CSRNP2: variants seen among roughly 807,000 people sequenced by gnomAD.
CSRNP2 encodes the protein cysteine/serine-rich nuclear protein 2.
In CSRNP2, 11 loss-of-function variants were observed where a neutral mutation model predicts 36.6. The observed-to-expected ratio is 0.30, with a 90% CI of 0.19 to 0.50. CSRNP2 has a LOEUF of 0.50. CSRNP2 is among the 20% of genes least tolerant of loss of function. The pLI, the probability that CSRNP2 is intolerant of heterozygous loss-of-function variation, is 0.98. For synonymous variants in CSRNP2, 248 were observed against 275.3 expected, an observed-to-expected ratio of 0.90 and a Z score of 0.98; for missense variants, 483 against 691.4, an observed-to-expected ratio of 0.70 and a Z score of 3.38.
intron 1 of CSRNP2, among the ~76,000 whole-genome samples, chr12:51,077,326 T>C (rs1486180218): frequency 6.6e-6 from 1 of 152,178 alleles, no homozygotes; most frequent in Non-Finnish European, 1.5e-5. Context: ...AGCTTTTACA[T>C]AGAAATACGA....
chr12:51,069,287 CTTT>C (rs71089740), intron 3 of CSRNP2, among the ~76,000 whole-genome samples: 18 of 121,294 alleles, frequency 1.5e-4, no homozygotes, highest in East Asian at 2.5e-4. Flanking sequence ...CTTCTCCTTT[CTTT>C]TTTTTTTTTT....
rs181471826 is a variant in CSRNP2 at position 51,080,356 on chromosome 12, G to A, written c.-87+2983C>T. Reference sequence around the variant, plus strand: ...CATCTTTATTACTACAATTCTCCACGGTCTTAACCCAGCTGCCCGCAGGAG... The same window carrying A: ...CATCTTTATTACTACAATTCTCCACAGTCTTAACCCAGCTGCCCGCAGGAG... On this transcript the variant is annotated intron_variant, in intron 1 of 4. Transcript: ENST00000228515. Among the ~76,000 whole-genome samples, 12 of 152,046 alleles carry A rather than the reference G, an allele frequency of 7.9e-5. No individual in the cohort carries two copies. The East Asian group carries it at 1.4e-3, about 17-fold the overall frequency.
intron 2 of CSRNP2, among the ~76,000 whole-genome samples, chr12:51,075,403 C>A (rs531790455): frequency 6.6e-6 from 1 of 152,118 alleles, no homozygotes; most frequent in South Asian, 2.1e-4. Flanking sequence ...TGAGCCACTG[C>A]GCCCAGCCAC....
At chr12:51,072,563 A>C (rs1421519015) in intron 3 of CSRNP2, among the ~76,000 whole-genome samples, 5 of 9,058 alleles carry the variant, frequency 5.5e-4, no homozygotes, top group Non-Finnish European at 1.6e-3. Context: ...GCTCCGTCTC[A>C]AAAAAAAAAA....
rs1237206180 is a variant in CSRNP2, at chr12:51,061,535, A to C, written c.*2211T>G. On this transcript the variant is annotated 3_prime_UTR_variant, in exon 5 of 5. Coordinates refer to ENST00000228515, the MANE Select transcript of CSRNP2 (RefSeq NM_030809.3). The stretch of plus-strand genomic sequence containing the variant: ...AGTGAGATGGACTAGGTTGTAGAGA[A>C]GGCCTTTCGCTTGACAAGACAGTTA... 6.5e-6 allele frequency: 1 copy of C among 152,672 alleles called. No homozygotes were observed. Among genetic ancestry groups the C allele is most frequent in the Non-Finnish European group, 1.5e-5 (1 of 68,042 alleles). 9.5% of individuals were successfully genotyped at this position (152,672 alleles called of 1,614,324 possible).
At chr12:51,074,557 G>A (rs530939248) in intron 2 of CSRNP2, among the ~76,000 whole-genome samples, 1 of 152,242 alleles carries the variant, frequency 6.6e-6, no homozygotes, top group East Asian at 1.9e-4. Flanking sequence ...TAAATGCTCT[G>A]TCAGAAGGGA....
chr12:51,073,734 A>G lies in CSRNP2; in HGVS notation c.411+89T>C. Reference sequence around the variant, plus strand: ...GAGCAAGACTCTGTCCCAGAAAAAAAAAAAAAAAAAAAATCAATCAACCAA... The same window carrying G: ...GAGCAAGACTCTGTCCCAGAAAAAAGAAAAAAAAAAAAATCAATCAACCAA... On this transcript the variant is annotated intron_variant, in intron 3 of 4. Transcript: ENST00000228515. 3.0e-6 allele frequency: 4 copies of G among 1,348,326 alleles called. No individual in the cohort carries two copies. The South Asian group carries it at 5.8e-5, about 19-fold the overall frequency. 83.5% of individuals were successfully genotyped at this position (1,348,326 alleles called of 1,614,324 possible). A position where few individuals can be genotyped will look rare whatever the true frequency, so the allele number is the denominator to read the frequency against.
At chr12:51,070,851 C>A (rs1293927742) in intron 3 of CSRNP2, among the ~76,000 whole-genome samples, 2 of 152,104 alleles carry the variant, frequency 1.3e-5, no homozygotes, top group Admixed American at 1.3e-4. Flanking sequence ...AGCTAAAAAA[C>A]AGGCCTGGTG....
rs1369412248 is a variant in CSRNP2, at chr12:51,074,085, G to A, written c.152-3C>T. ...CTGCCGCTTCAGGATGGATGTGGCT[G>A]AGAAGGGAGCACAGAGAGATGTTTT... On this transcript the variant is annotated splice_polypyrimidine_tract_variant and splice_region_variant and intron_variant, in intron 2 of 4. Transcript: ENST00000228515. The A allele has an allele frequency of 1.9e-6, 3 of 1,613,228 alleles. No individual in the cohort carries two copies. The highest frequency in any genetic ancestry group is 2.5e-6 in the Non-Finnish European group (3 of 1,179,738).
At chr12:51,073,794 C>T in intron 3 of CSRNP2, 29 bp downstream of exon 3, 1 of 1,594,836 alleles carries the variant, frequency 6.3e-7, no homozygotes. Context: ...CCTACATGGA[C>T]AGCAGTAGAT....
Position 51,064,336 on chromosome 12 carries a change from T to C in CSRNP2, c.1042A>G (p.Ser348Gly). ...AEEDSSGSSASLDSSIESLGV... is the reference protein window; with the variant it reads ...AEEDSSGSSAGLDSSIESLGV... Reference sequence around the variant, plus strand: ...AGGCTCTCGATGCTCGAGTCCAGGCTGGCACTAGAGCCGCTGGAATCTTCT... The same window carrying C: ...AGGCTCTCGATGCTCGAGTCCAGGCCGGCACTAGAGCCGCTGGAATCTTCT... Residue 348 changes from serine to glycine, a missense_variant, in exon 5 of 5, where the codon AGC becomes GGC. Transcript: ENST00000228515. The C allele has an allele frequency of 6.2e-7, 1 of 1,614,212 alleles. No homozygotes were observed. Among genetic ancestry groups the C allele is most frequent in the Non-Finnish European group, 8.5e-7 (1 of 1,180,034 alleles).
In CSRNP2 at chr12:51,072,562, C is replaced by CAAAAAA. The variant is rs71089741; in HGVS notation, c.411+1255_411+1260dup. On this transcript the variant is annotated intron_variant, in intron 3 of 4. Transcript: ENST00000228515. ...TGGGCAACAGAGCTAGGCTCCGTCT[C>CAAAAAA]AAAAAAAAAAAAAAAAAAAAAAAAA... Among the ~76,000 whole-genome samples the CAAAAAA allele has an allele frequency of 1.6e-3, 110 of 66,920 alleles. 10 individuals are homozygous for CAAAAAA. The highest frequency in any genetic ancestry group is 6.0e-3 in the East Asian group (9 of 1,498). 43.9% of individuals were successfully genotyped at this position (66,920 alleles called of 152,430 possible).
chr12:51,076,562 TGGTTTCAAAGGGGTTTCC>T lies in CSRNP2; in HGVS notation c.-19_-2del. 6.2e-7 allele frequency: 1 copy of T among 1,614,038 alleles called. No homozygotes were observed. The highest frequency in any genetic ancestry group is 8.5e-7 in the Non-Finnish European group (1 of 1,179,986). ...GACCCGAGCCCGTGAATGCATCCATTGGTTTCAAAGGGGTTTCCTTGGGGAGCCCACCAAGTTGGCCCC... is the reference window on the plus strand; with the variant it reads ...GACCCGAGCCCGTGAATGCATCCATTTTGGGGAGCCCACCAAGTTGGCCCC... On this transcript the variant is annotated 5_prime_UTR_variant, in exon 2 of 5. Coordinates refer to ENST00000228515, the MANE Select transcript of CSRNP2 (RefSeq NM_030809.3).
chr12:51,063,527 T>G lies in CSRNP2; in HGVS notation c.*219A>C. On this transcript the variant is annotated 3_prime_UTR_variant, in exon 5 of 5. Transcript: ENST00000228515. The stretch of plus-strand genomic sequence containing the variant: ...AATGTTCAGCACTACGCAGCTTTCT[T>G]TGCCCCAAGACTATCCCCAGATCAA... 2.7e-6 allele frequency: 1 copy of G among 376,970 alleles called. No individual in the cohort carries two copies. The highest frequency in any genetic ancestry group is 4.8e-6 in the Non-Finnish European group (1 of 210,326). 23.4% of individuals were successfully genotyped at this position (376,970 alleles called of 1,614,324 possible). A position where few individuals can be genotyped will look rare whatever the true frequency, so the allele number is the denominator to read the frequency against.
rs1261313191 is a variant in CSRNP2, at chr12:51,067,272, T to A, written c.708+401A>T. Among the ~76,000 whole-genome samples the A allele has an allele frequency of 1.3e-5, 2 of 152,174 alleles. No homozygotes were observed. The highest frequency in any genetic ancestry group is 2.9e-5 in the Non-Finnish European group (2 of 68,026). On this transcript the variant is annotated intron_variant, in intron 4 of 4. Coordinates refer to ENST00000228515, the MANE Select transcript of CSRNP2 (RefSeq NM_030809.3). The surrounding 1 kb of genome is among the most constrained non-coding windows in gnomAD (Gnocchi z 4.1). ...TCCCTTTCCTAACAGCTGCTTCTTATCACCTCTGAGAAATGAAACAAAAAA... is the reference window on the plus strand; with the variant it reads ...TCCCTTTCCTAACAGCTGCTTCTTAACACCTCTGAGAAATGAAACAAAAAA...
chr12:51,069,774 G>A (rs970377131), intron 3 of CSRNP2, among the ~76,000 whole-genome samples: 1 of 148,362 alleles, frequency 6.7e-6, no homozygotes, highest in East Asian at 2.0e-4. Context: ...CTCACTGCAA[G>A]CTCCGCCTCC....
Position 51,076,303 on chromosome 12 carries a change from T to G in CSRNP2, c.151+108A>C, listed in dbSNP as rs191355602. 2.7e-4 allele frequency: 324 copies of G among 1,204,054 alleles called. 2 individuals carry two copies. The African/African-American group carries it at 4.5e-3, about 17-fold the overall frequency. The allele number at this position is 1,204,054 out of a possible 1,614,324, so 74.6% of individuals were successfully genotyped here. A position where few individuals can be genotyped will look rare whatever the true frequency, so the allele number is the denominator to read the frequency against. On this transcript the variant is annotated intron_variant, in intron 2 of 4. Transcript: ENST00000228515. The stretch of plus-strand genomic sequence containing the variant: ...AGGTCCTCCAAAGAGCAAGGAAAGA[T>G]GATGATTAAGGGCAAATCCCCAAGC...
intron 4 of CSRNP2, among the ~76,000 whole-genome samples, chr12:51,064,879 T>C (rs1322940695): frequency 6.6e-6 from 1 of 152,168 alleles, no homozygotes; most frequent in Non-Finnish European, 1.5e-5. Flanking sequence ...AGCTCAGCCA[T>C]TAATTAGTGG....
chr12:51,064,338 G>T lies in CSRNP2; in HGVS notation c.1040C>A (p.Ala347Asp). The change falls in exon 5 of 5, where the codon GCC becomes GAC. Residue 347 changes from alanine (A) to aspartate (D), a missense_variant. By Grantham distance (126) the Ala-to-Asp change is moderately radical (BLOSUM62 -2). Coordinates refer to ENST00000228515, the MANE Select transcript of CSRNP2 (RefSeq NM_030809.3). The stretch of plus-strand genomic sequence containing the variant: ...GCTCTCGATGCTCGAGTCCAGGCTG[G>T]CACTAGAGCCGCTGGAATCTTCTTC... Reference protein sequence around the residue: ...KAEEDSSGSSASLDSSIESLG... With the variant: ...KAEEDSSGSSDSLDSSIESLG... 6.2e-7 allele frequency: 1 copy of T among 1,614,196 alleles called. No individual in the cohort carries two copies. The highest frequency in any genetic ancestry group is 8.5e-7 in the Non-Finnish European group (1 of 1,180,042).
Sources: allele counts gnomAD v4.1 joint callset (sites outside exome capture counted in the v4.1 genomes callset), GRCh38; gene constraint gnomAD v4.1.1; non-coding constraint Gnocchi (gnomAD v3.1); transcripts MANE v1.5; gene names NCBI Gene and HGNC (gene_info 2026-07-23, HGNC 2026-07-21).